CCSER1: variants seen among roughly 807,000 people sequenced by gnomAD.
CCSER1 encodes the protein coiled-coil serine rich protein 1.
CCSER1 carries 41 observed loss-of-function variants against 82.0 expected under a neutral mutation model. That is an observed-to-expected ratio of 0.50 (90% CI 0.39 to 0.65). The LOEUF (loss-of-function observed/expected upper bound fraction) is 0.65. Ranked by LOEUF, CCSER1 falls within the 30% of genes least tolerant of loss-of-function variation. CCSER1 has a pLI of 0.00. For synonymous variants in CCSER1, 414 were observed against 383.9 expected (o/e 1.08, Z -0.92); for missense variants, 1,119 against 1,064.2 (o/e 1.05, Z -0.72).
chr4:91,025,070 G>A (rs1053045093), intron 9 of CCSER1, among the ~76,000 whole-genome samples: 1 of 152,132 alleles, frequency 6.6e-6, no homozygotes, highest in African/African-American at 2.4e-5. Flanking sequence ...AAGGTGAAAT[G>A]TTGCTATCCA....
Position 91,374,177 on chromosome 4 carries a change from T to C in CCSER1, c.2218-224395T>C, listed in dbSNP as rs538701978. Among the ~76,000 whole-genome samples, 3 of 152,248 alleles carry C rather than the reference T, an allele frequency of 2.0e-5. No individual in the cohort carries two copies. In the South Asian group the frequency reaches 6.2e-4, roughly 32 times the overall value. ...AGTTATCTAGTAGATGTAGCTAAGA[T>C]TATTTTGATGAAGGTGGCCGCATTT... On this transcript the variant is annotated intron_variant, in intron 10 of 10. Coordinates refer to ENST00000509176, the MANE Select transcript of CCSER1 (RefSeq NM_001145065.2).
intron 3 of CCSER1, among the ~76,000 whole-genome samples, chr4:90,328,138 G>C (rs1738567180): frequency 6.6e-6 from 1 of 151,942 alleles, no homozygotes; most frequent in Non-Finnish European, 1.5e-5. Flanking sequence ...ACAAAGGCTG[G>C]GAATTTCTAT....
intron 1 of CCSER1, among the ~76,000 whole-genome samples, chr4:90,202,177 A>G (rs1266430203): frequency 6.7e-6 from 1 of 150,022 alleles, no homozygotes; most frequent in Non-Finnish European, 1.5e-5. Context: ...ATTTTCTTGG[A>G]TTCTTGGATG....
At chr4:91,464,625 C>T (rs960974139) in intron 10 of CCSER1, among the ~76,000 whole-genome samples, 1 of 152,138 alleles carries the variant, frequency 6.6e-6, no homozygotes, top group Non-Finnish European at 1.5e-5. Flanking sequence ...CATGCAGAGA[C>T]ACGCATAGGC....
intron 5 of CCSER1, among the ~76,000 whole-genome samples, chr4:90,552,367 T>C (rs1777625193): frequency 6.6e-6 from 1 of 152,230 alleles, no homozygotes; most frequent in Non-Finnish European, 1.5e-5. Context: ...AAGATTAAAA[T>C]ATAAAAATAT....
At chr4:91,166,829 G>T (rs370330565) in intron 10 of CCSER1, among the ~76,000 whole-genome samples, 7 of 151,986 alleles carry the variant, frequency 4.6e-5, no homozygotes, top group African/African-American at 9.6e-5. Flanking sequence ...TTTCATTTTT[G>T]TTCTCACTTC....
chr4:90,450,939 GAAGGGACTT>G (rs1405501447), intron 4 of CCSER1, among the ~76,000 whole-genome samples: 12 of 152,318 alleles, frequency 7.9e-5, no homozygotes, highest in Admixed American at 2.0e-4. Context: ...ACACCATTTT[GAAGGGACTT>G]AAATCCAGCT....
intron 5 of CCSER1, among the ~76,000 whole-genome samples, chr4:90,521,092 G>A (rs923896999): frequency 1.3e-5 from 2 of 152,024 alleles, no homozygotes; most frequent in Non-Finnish European, 2.9e-5. Flanking sequence ...TTAAATTGAG[G>A]TTGAAAAATA....
At chr4:90,356,352 G>T (rs1744377902) in intron 3 of CCSER1, among the ~76,000 whole-genome samples, 3 of 151,678 alleles carry the variant, frequency 2.0e-5, no homozygotes, top group South Asian at 4.1e-4. Flanking sequence ...TGCAATATAT[G>T]TAGTTATTTT....
chr4:91,599,277 G>A lies in CCSER1; in HGVS notation c.*220G>A. 1 of 498,346 alleles carries A rather than the reference G, an allele frequency of 2.0e-6. No homozygotes were observed. Among genetic ancestry groups the A allele is most frequent in the South Asian group, 3.7e-5 (1 of 27,380 alleles). The allele number at this position is 498,346 out of a possible 1,614,324, so 30.9% of individuals were successfully genotyped here. A position where few individuals can be genotyped will look rare whatever the true frequency, so the allele number is the denominator to read the frequency against. ...TAATTGAACTAGGTTGCATTGCCTTGAAGACTTTACTATATAGGTGTATAA... is the reference window on the plus strand; with the variant it reads ...TAATTGAACTAGGTTGCATTGCCTTAAAGACTTTACTATATAGGTGTATAA... On this transcript the variant is annotated 3_prime_UTR_variant, in exon 11 of 11. Transcript: ENST00000509176.
intron 10 of CCSER1, among the ~76,000 whole-genome samples, chr4:91,558,224 T>C (rs1762492267): frequency 6.6e-6 from 1 of 151,486 alleles, no homozygotes; most frequent in African/African-American, 2.4e-5. Context: ...AAAACTTCAT[T>C]GATCCAAAAA....
chr4:91,315,907 C>T (rs1018924338), intron 10 of CCSER1, among the ~76,000 whole-genome samples: 13 of 151,918 alleles, frequency 8.6e-5, no homozygotes, highest in African/African-American at 3.1e-4. Context: ...TGTCCCCACC[C>T]ACATCTCATC....
chr4:90,937,599 A>G (rs560611657), intron 9 of CCSER1, among the ~76,000 whole-genome samples: 26 of 152,098 alleles, frequency 1.7e-4, no homozygotes, highest in African/African-American at 5.3e-4. Flanking sequence ...ACCCTCCCCT[A>G]TTTATGCAAT....
In CCSER1 at chr4:91,153,451, C is replaced by T. The variant is rs1409748085; in HGVS notation, c.2217+67457C>T. On this transcript the variant is annotated intron_variant, in intron 10 of 10. Transcript: ENST00000509176. ...GTTTTTAGCTTCTTTGCAATGGGTT[C>T]AGACATCTTCCTTTAGCTTAGAGAA... is the stretch of plus-strand genomic sequence containing the variant. Among the ~76,000 whole-genome samples the T allele has an allele frequency of 1.3e-5, 2 of 151,898 alleles. 1 individual carries two copies. Among genetic ancestry groups the T allele is most frequent in the Admixed American group, 1.3e-4 (2 of 15,256 alleles).
At chr4:91,492,867 ATTAGT>A (rs543734324) in intron 10 of CCSER1, among the ~76,000 whole-genome samples, 32 of 152,126 alleles carry the variant, frequency 2.1e-4, no homozygotes, top group African/African-American at 7.7e-4. Flanking sequence ...AAAGTACATG[ATTAGT>A]TTAGGGAATA....
intron 10 of CCSER1, among the ~76,000 whole-genome samples, chr4:91,280,259 C>A (rs1329459749): frequency 1.3e-5 from 2 of 152,152 alleles, no homozygotes; most frequent in Non-Finnish European, 2.9e-5. Flanking sequence ...GTAGTGACAA[C>A]AATGGGTCAG....
chr4:90,956,492 C>T (rs901155015), intron 9 of CCSER1, among the ~76,000 whole-genome samples: 24 of 152,096 alleles, frequency 1.6e-4, no homozygotes, highest in African/African-American at 5.1e-4. Context: ...TTCAGACAGG[C>T]ATCTAAAATG....
At chr4:90,447,100 A>G (rs1010709753) in intron 4 of CCSER1, among the ~76,000 whole-genome samples, 9 of 152,120 alleles carry the variant, frequency 5.9e-5, no homozygotes, top group African/African-American at 2.2e-4. Flanking sequence ...TGGATTTTCA[A>G]CTCTGCAGGG....
At chr4:90,637,769 C>A (rs909561215) in intron 6 of CCSER1, among the ~76,000 whole-genome samples, 6 of 151,934 alleles carry the variant, frequency 3.9e-5, no homozygotes, top group African/African-American at 1.2e-4. Flanking sequence ...TTTGTTCTGC[C>A]CTCTATGTTC....
Sources: allele counts gnomAD v4.1 joint callset (sites outside exome capture counted in the v4.1 genomes callset), GRCh38; gene constraint gnomAD v4.1.1; transcripts MANE v1.5; gene names NCBI Gene and HGNC (gene_info 2026-07-23, HGNC 2026-07-21).